GCLM: variants seen among roughly 807,000 people sequenced by gnomAD.
The protein encoded by GCLM is glutamate--cysteine ligase regulatory subunit.
GCLM carries 15 observed loss-of-function variants against 36.0 expected under a neutral mutation model. The observed-to-expected ratio is 0.42, with a 90% confidence interval of 0.28 to 0.64. GCLM has a LOEUF of 0.64. Among genes scored for constraint, GCLM ranks in the 30% least tolerant of loss-of-function variants. The probability of loss-of-function intolerance (pLI) is 0.25; values close to 1 mark genes in which losing one functional copy is unlikely to be tolerated. For synonymous variants in GCLM, 129 were observed against 122.8 expected (o/e 1.05, Z -0.34); for missense variants, 242 against 325.5 (o/e 0.74, Z 1.97).
chr1:93,897,863 A>C lies in GCLM; in HGVS notation c.313T>G (p.Ser105Ala). The C allele has an allele frequency of 6.4e-7, 1 of 1,553,914 alleles. No homozygotes were observed. Among genetic ancestry groups the C allele is most frequent in the Non-Finnish European group, 8.6e-7 (1 of 1,158,604 alleles). Residue 105 changes from serine to alanine, a missense_variant, in exon 4 of 7, where the codon TCA becomes GCA. Transcript: ENST00000370238. ...LFIVESNSSSSTRSAVDMACS... is the reference protein window; with the variant it reads ...LFIVESNSSSATRSAVDMACS... ...CCCATGTCAACTGCACTTCTAGTTG[A>C]TGATGAAGAGTTTGATTCTACAATG...
rs941368890 is a variant in GCLM, at chr1:93,885,555, C to A, written c.*3435G>T. Reference sequence around the variant, plus strand: ...AAAATAAAACTGCCATATCCCATTGCCAACTTTACATGAAAAAGGTATATG... The same window carrying A: ...AAAATAAAACTGCCATATCCCATTGACAACTTTACATGAAAAAGGTATATG... On this transcript the variant is annotated 3_prime_UTR_variant, in exon 7 of 7. Coordinates refer to ENST00000370238, the MANE Select transcript of GCLM (RefSeq NM_002061.4). 8.5e-5 allele frequency: 13 copies of A among 152,126 alleles called. No homozygotes were observed. The highest frequency in any genetic ancestry group is 3.1e-4 in the African/African-American group (13 of 41,522). 9.4% of individuals were successfully genotyped at this position (152,126 alleles called of 1,614,324 possible). A position where few individuals can be genotyped will look rare whatever the true frequency, so the allele number is the denominator to read the frequency against.
intron 6 of GCLM, among the ~76,000 whole-genome samples, chr1:93,893,147 T>C (rs1000302861): frequency 1.3e-5 from 2 of 152,172 alleles, no homozygotes; most frequent in Admixed American, 6.5e-5. Flanking sequence ...ATCAAAGAGA[T>C]TGTATAGTGG....
In GCLM at chr1:93,897,867, T is replaced by G; in HGVS notation, c.309A>C (p.Ser103=). The change falls in exon 4 of 7, where the codon TCA becomes TCC. Residue 103 remains serine, a synonymous_variant. Coordinates refer to ENST00000370238, the MANE Select transcript of GCLM (RefSeq NM_002061.4). ...AKLFIVESNS[S]SSTRSAVDMA... is the part of the protein sequence containing the mutation. The stretch of plus-strand genomic sequence containing the variant: ...TGTCAACTGCACTTCTAGTTGATGA[T>G]GAAGAGTTTGATTCTACAATGAACA... 6.4e-7 allele frequency: 1 copy of G among 1,553,708 alleles called. No individual in the cohort carries two copies.
Position 93,888,455 on chromosome 1 carries a change from A to G in GCLM, c.*535T>C, listed in dbSNP as rs998907549. On this transcript the variant is annotated 3_prime_UTR_variant, in exon 7 of 7. Transcript: ENST00000370238. ...TAAAAAAAAATTTAAGTTTCCATTC[A>G]TGTATTGAAGAGTGAATTTTATTTA... The G allele has an allele frequency of 2.0e-5, 3 of 152,172 alleles. No individual in the cohort carries two copies. Among genetic ancestry groups the G allele is most frequent in the African/African-American group, 7.2e-5 (3 of 41,444 alleles). 9.4% of individuals were successfully genotyped at this position (152,172 alleles called of 1,614,324 possible). A position where few individuals can be genotyped will look rare whatever the true frequency, so the allele number is the denominator to read the frequency against.
Position 93,901,799 on chromosome 1 carries a change from T to C in GCLM, c.193-130A>G, listed in dbSNP as rs541564052. On this transcript the variant is annotated intron_variant, in intron 2 of 6. Transcript: ENST00000370238. ...AGACAACAGAGTTCTCTACCTGAGGTCTGGGTGGGCTTCACAAGGGTTGTA... is the reference window on the plus strand; with the variant it reads ...AGACAACAGAGTTCTCTACCTGAGGCCTGGGTGGGCTTCACAAGGGTTGTA... 4.3e-5 allele frequency: 25 copies of C among 583,998 alleles called. No individual in the cohort carries two copies. In the African/African-American group the frequency reaches 4.7e-4, roughly 11 times the overall value. 36.2% of individuals were successfully genotyped at this position (583,998 alleles called of 1,614,324 possible).
chr1:93,895,018 T>C (rs1656677993), intron 5 of GCLM, among the ~76,000 whole-genome samples: 1 of 131,728 alleles, frequency 7.6e-6, no homozygotes, highest in African/African-American at 3.3e-5. Context: ...TACACTTTTT[T>C]TTTTTTTTTT....
At chr1:93,895,044 T>C (rs1656679211) in intron 5 of GCLM, among the ~76,000 whole-genome samples, 1 of 148,794 alleles carries the variant, frequency 6.7e-6, no homozygotes, top group Non-Finnish European at 1.5e-5. Context: ...AGATGGAGTC[T>C]TGCTCTGTCG....
chr1:93,900,227 C>T (rs936688143), intron 3 of GCLM, among the ~76,000 whole-genome samples: 1 of 152,102 alleles, frequency 6.6e-6, no homozygotes, highest in African/African-American at 2.4e-5. Context: ...TACTATTTCT[C>T]TGTCCATGAA....
intron 3 of GCLM, among the ~76,000 whole-genome samples, chr1:93,900,383 C>T (rs1202124268): frequency 6.6e-6 from 1 of 151,964 alleles, no homozygotes; most frequent in African/African-American, 2.4e-5. Context: ...TCTAAGAGAC[C>T]CAAGATGGAA....
chr1:93,890,596 A>G (rs1656498989), intron 6 of GCLM, among the ~76,000 whole-genome samples: 1 of 152,178 alleles, frequency 6.6e-6, no homozygotes, highest in Admixed American at 6.5e-5. Context: ...TCATTGCAAG[A>G]CCATTTAAAT....
chr1:93,894,671 A>G lies in GCLM; in HGVS notation c.598T>C (p.Leu200=). ...TCAAATTGTTTAGCAAATGCAGTCA[A>G]ATCTGGTGGCATCACACAGCAGGAG... ...LASCCVMPPD[L]TAFAKQFDIQ... Residue 200 remains leucine, a synonymous_variant, in exon 6 of 7, where the codon TTG becomes CTG. Coordinates refer to ENST00000370238, the MANE Select transcript of GCLM (RefSeq NM_002061.4). The G allele has an allele frequency of 6.2e-7, 1 of 1,612,678 alleles. No homozygotes were observed. The highest frequency in any genetic ancestry group is 8.5e-7 in the Non-Finnish European group (1 of 1,178,816).
chr1:93,886,080 T>C lies in GCLM; in HGVS notation c.*2910A>G, dbSNP rs1656289573. On this transcript the variant is annotated 3_prime_UTR_variant, in exon 7 of 7. Coordinates refer to ENST00000370238, the MANE Select transcript of GCLM (RefSeq NM_002061.4). ...CTTTTACATCATGTGAAAATACTTG[T>C]TGCTTTTGGTGACTACAGTTTCATG... 6.6e-6 allele frequency: 1 copy of C among 152,304 alleles called. No individual in the cohort carries two copies. The highest frequency in any genetic ancestry group is 1.5e-5 in the Non-Finnish European group (1 of 67,996). The allele number at this position is 152,304 out of a possible 1,614,324, so 9.4% of individuals were successfully genotyped here. A position where few individuals can be genotyped will look rare whatever the true frequency, so the allele number is the denominator to read the frequency against.
chr1:93,907,043 CA>C (rs1657168402), intron 1 of GCLM, among the ~76,000 whole-genome samples: 1 of 152,184 alleles, frequency 6.6e-6, no homozygotes. Flanking sequence ...CTTGACCCAA[CA>C]CGTACATTTT....
intron 1 of GCLM, 98 bp from the exon 2 acceptor site, chr1:93,904,686 AAGAT>A (rs1261770817): frequency 7.5e-6 from 6 of 795,250 alleles, no homozygotes; most frequent in Non-Finnish European, 1.3e-5. Flanking sequence ...CAGGAAAAAA[AAGAT>A]AGCAACAGGA....
chr1:93,909,270 G>A lies in GCLM; in HGVS notation c.-107C>T. 1 of 1,068,044 alleles carries A rather than the reference G, an allele frequency of 9.4e-7. No individual in the cohort carries two copies. The highest frequency in any genetic ancestry group is 7.0e-5 in the East Asian group (1 of 14,256). 66.2% of individuals were successfully genotyped at this position (1,068,044 alleles called of 1,614,324 possible). On this transcript the variant is annotated 5_prime_UTR_variant, in exon 1 of 7. Transcript: ENST00000370238. ...CCCGAGGCCCGAGAGAGACCCGAGA[G>A]GGAGCGCGAGGCTGCCGGCGCCGCG... is the stretch of plus-strand genomic sequence containing the variant.
At chr1:93,899,547 A>G (rs7522297) in intron 3 of GCLM, among the ~76,000 whole-genome samples, 151,981 of 152,322 alleles carry the variant, frequency 1, 75,820 homozygotes, top group Middle Eastern at 1. Flanking sequence ...GTAACTTTTT[A>G]TTCAGCATTA....
Position 93,886,339 on chromosome 1 carries a change from G to A in GCLM, c.*2651C>T, listed in dbSNP as rs1656301237. ...TTGATAACTTAGCTTTCAGTTTTAAGTAATTATTTGGTAGTATTACCACTC... is the reference window on the plus strand; with the variant it reads ...TTGATAACTTAGCTTTCAGTTTTAAATAATTATTTGGTAGTATTACCACTC... On this transcript the variant is annotated 3_prime_UTR_variant, in exon 7 of 7. Transcript: ENST00000370238. The A allele has an allele frequency of 6.6e-6, 1 of 151,942 alleles. No individual in the cohort carries two copies. The highest frequency in any genetic ancestry group is 1.5e-5 in the Non-Finnish European group (1 of 67,992). 9.4% of individuals were successfully genotyped at this position (151,942 alleles called of 1,614,324 possible).
intron 1 of GCLM, among the ~76,000 whole-genome samples, chr1:93,907,984 A>C (rs916358518): frequency 2.6e-5 from 4 of 152,192 alleles, no homozygotes; most frequent in Non-Finnish European, 5.9e-5. Context: ...ATAGTTTAGG[A>C]AGGTTTTTCT....
intron 6 of GCLM, among the ~76,000 whole-genome samples, chr1:93,890,200 G>A (rs1421398964): frequency 6.6e-6 from 1 of 151,988 alleles, no homozygotes; most frequent in Non-Finnish European, 1.5e-5. Flanking sequence ...GTGAGCCACC[G>A]TGCCCGGCCT....
Sources: gnomAD v4.1 joint callset for allele counts (sites outside exome capture counted in the v4.1 genomes callset) on GRCh38, gnomAD v4.1.1 for gene constraint, MANE v1.5 for transcripts, NCBI Gene and HGNC (gene_info 2026-07-23, HGNC 2026-07-21) for gene names.